Variants in TEX11 observed in about 807,000 individuals in gnomAD.
The protein encoded by TEX11 is testis expressed 11, also known as testis-expressed protein 11.
TEX11 carries 7 observed loss-of-function variants against 84.4 expected under a neutral mutation model. That is an observed-to-expected ratio of 0.08 (90% CI 0.05 to 0.16). The LOEUF (loss-of-function observed/expected upper bound fraction) is 0.16. Among genes scored for constraint, TEX11 ranks in the 10% least tolerant of loss-of-function variants. The pLI, the probability that TEX11 is intolerant of heterozygous loss-of-function variation, is 1.00. For synonymous variants in TEX11, 264 were observed against 222.8 expected, an observed-to-expected ratio of 1.18 and a Z score of -1.64; for missense variants, 551 against 660.5, an observed-to-expected ratio of 0.83 and a Z score of 1.82.
chrX:70,706,267 T>A lies in TEX11; in HGVS notation c.1004+16351A>T, dbSNP rs748346382. ...GGTGGGAATTGAACAATGAGAACAC[T>A]TGGACACAGGAAGGGGAACATCACA... is the stretch of plus-strand genomic sequence containing the variant. On this transcript the variant is annotated intron_variant, in intron 13 of 29. Transcript: ENST00000374333. 1.3e-4 allele frequency among the ~76,000 whole-genome samples: 13 copies of A among 101,657 alleles called. No homozygotes were observed. In the East Asian group the frequency reaches 1.9e-3, roughly 15 times the overall value. 88.3% of individuals were successfully genotyped at this position (101,657 alleles called of 115,157 possible). A position where few individuals can be genotyped will look rare whatever the true frequency, so the allele number is the denominator to read the frequency against.
At chrX:70,751,814 A>T (rs2090828166) in intron 9 of TEX11, among the ~76,000 whole-genome samples, 1 of 112,177 alleles carries the variant, frequency 8.9e-6, no homozygotes, top group Admixed American at 9.5e-5. Context: ...AGCAAGTGAC[A>T]CTAGAGAATA....
At chrX:70,800,433 T>C (rs999640796) in intron 9 of TEX11, among the ~76,000 whole-genome samples, 1 of 111,869 alleles carries the variant, frequency 8.9e-6, no homozygotes, top group Non-Finnish European at 1.9e-5. Context: ...AAGGATTTTT[T>C]TACATTAACT....
chrX:70,724,037 T>C, intron 12 of TEX11: 1 of 734,615 alleles, frequency 1.4e-6, no homozygotes, highest in East Asian at 1.5e-4. Flanking sequence ...AATCTGTGAA[T>C]AAAGAACAAT....
chrX:70,560,301 C>T (rs968789789), intron 25 of TEX11, among the ~76,000 whole-genome samples: 4 of 109,883 alleles, frequency 3.6e-5, no homozygotes, highest in African/African-American at 1.3e-4. Flanking sequence ...CAGGTATGTG[C>T]CACCACGCCC....
intron 28 of TEX11, among the ~76,000 whole-genome samples, chrX:70,536,838 A>T (rs2087965118): frequency 1.8e-5 from 2 of 112,352 alleles, no homozygotes; most frequent in South Asian, 7.3e-4. Context: ...TTCATTAAAA[A>T]TCCTATTGAG....
chrX:70,674,720 A>C (rs2090054792), intron 15 of TEX11, among the ~76,000 whole-genome samples: 1 of 111,821 alleles, frequency 8.9e-6, no homozygotes, highest in Non-Finnish European at 1.9e-5. Context: ...TAAGCAGTAC[A>C]TAAACTTGGG....
intron 9 of TEX11, among the ~76,000 whole-genome samples, chrX:70,751,833 T>G (rs2090828294): frequency 8.9e-6 from 1 of 111,960 alleles, no homozygotes; most frequent in South Asian, 3.7e-4. Flanking sequence ...TAATTTGAAT[T>G]CATATGAAAA....
chrX:70,907,678 C>T (rs1329227193), intron 2 of TEX11, 75 bp downstream of exon 2: 12 of 829,758 alleles, frequency 1.4e-5, no homozygotes, highest in Non-Finnish European at 2.2e-5. Context: ...AGGCGTGAGC[C>T]ACCGCGCCCA....
chrX:70,629,130 C>G (rs2089480828), intron 18 of TEX11, among the ~76,000 whole-genome samples: 1 of 111,872 alleles, frequency 8.9e-6, no homozygotes, highest in Non-Finnish European at 1.9e-5. Flanking sequence ...ACAGATGCTA[C>G]TATGCTTTTC....
At chrX:70,641,706 T>A (rs1454201679) in intron 17 of TEX11, among the ~76,000 whole-genome samples, 1 of 110,443 alleles carries the variant, frequency 9.1e-6, no homozygotes, top group South Asian at 4.0e-4. Flanking sequence ...AATAAAGATG[T>A]TCTTTGAAAC....
chrX:70,717,873 C>T (rs1416971221), intron 13 of TEX11, among the ~76,000 whole-genome samples: 3 of 112,005 alleles, frequency 2.7e-5, no homozygotes, highest in Middle Eastern at 4.2e-3. Flanking sequence ...GGTATAAGCA[C>T]ATTAACAAAT....
At chrX:70,837,131 C>T (rs1337051179) in intron 7 of TEX11, among the ~76,000 whole-genome samples, 1 of 111,933 alleles carries the variant, frequency 8.9e-6, no homozygotes, top group African/African-American at 3.2e-5. Context: ...TTTATGTCCA[C>T]ACAAAAACCT....
At chrX:70,892,365 G>C (rs1456749944) in intron 2 of TEX11, among the ~76,000 whole-genome samples, 2 of 111,457 alleles carry the variant, frequency 1.8e-5, no homozygotes, top group Admixed American at 9.6e-5. Context: ...TAACCAGATA[G>C]CATCATGTTG....
At chrX:70,629,575 G>T in intron 18 of TEX11, 36 bp downstream of exon 18, 1 of 1,192,146 alleles carries the variant, frequency 8.4e-7, no homozygotes, top group Non-Finnish European at 1.1e-6. Context: ...AAAGGAAAAG[G>T]GATAAAAATC....
chrX:70,568,705 CT>C (rs1017951974), intron 25 of TEX11, among the ~76,000 whole-genome samples: 1 of 111,446 alleles, frequency 9.0e-6, no homozygotes, highest in Admixed American at 9.6e-5. Flanking sequence ...ATTGAAAATT[CT>C]TTTCTTTAAG....
intron 9 of TEX11, among the ~76,000 whole-genome samples, chrX:70,761,323 T>C (rs779955751): frequency 8.9e-6 from 1 of 112,097 alleles, no homozygotes; most frequent in Admixed American, 9.5e-5. Context: ...ATGTTTATTG[T>C]GGCACCATTT....
At chrX:70,828,027 T>A (rs1394765519) in intron 8 of TEX11, among the ~76,000 whole-genome samples, 1 of 111,740 alleles carries the variant, frequency 8.9e-6, no homozygotes, top group Non-Finnish European at 1.9e-5. Flanking sequence ...CATCAAGGAG[T>A]ACCCTTTATG....
intron 13 of TEX11, among the ~76,000 whole-genome samples, chrX:70,716,798 A>G (rs1368893734): frequency 1.8e-5 from 2 of 111,401 alleles, no homozygotes; most frequent in Non-Finnish European, 3.8e-5. Flanking sequence ...TGCACCCACT[A>G]TCCAACACTC....
At chrX:70,557,155 A>G (rs773031271) in intron 25 of TEX11, among the ~76,000 whole-genome samples, 84 of 110,010 alleles carry the variant, frequency 7.6e-4, no homozygotes, top group African/African-American at 2.6e-3. Context: ...ACAGCATCAA[A>G]AAGAAGAAAA....
Sources: allele counts gnomAD v4.1 joint callset (sites outside exome capture counted in the v4.1 genomes callset), GRCh38; gene constraint gnomAD v4.1.1; transcripts MANE v1.5; gene names NCBI Gene and HGNC (gene_info 2026-07-23, HGNC 2026-07-21).